The following MAPKAPK2 variants were observed in gnomAD, a reference collection of about 807,000 sequenced individuals.
The protein encoded by MAPKAPK2 is MAP kinase-activated protein kinase 2.
A neutral mutation model predicts 48.8 loss-of-function variants in MAPKAPK2; 9 were observed. The observed-to-expected ratio is 0.18, with a 90% CI of 0.11 to 0.32. MAPKAPK2 has a LOEUF of 0.32. Ranked by LOEUF, MAPKAPK2 falls within the 10% of genes least tolerant of loss-of-function variation. The pLI, the probability that MAPKAPK2 is intolerant of heterozygous loss-of-function variation, is 1.00. For synonymous variants in MAPKAPK2, 202 were observed against 190.6 expected (o/e 1.06, Z -0.49); for missense variants, 331 against 498.3 (o/e 0.66, Z 3.20).
intron 1 of MAPKAPK2, among the ~76,000 whole-genome samples, chr1:206,712,094 G>C (rs1248690819): frequency 1.3e-5 from 2 of 152,196 alleles, no homozygotes; most frequent in Non-Finnish European, 2.9e-5. Context: ...CTAAGCTTTA[G>C]AGCTGGTGTT....
At chr1:206,686,194 C>T (rs1672284312) in intron 1 of MAPKAPK2, among the ~76,000 whole-genome samples, 2 of 152,150 alleles carry the variant, frequency 1.3e-5, no homozygotes, top group Non-Finnish European at 2.9e-5. Context: ...GGGGAGAGGC[C>T]GGCGGTGTCC....
rs1673598249 is a variant in MAPKAPK2 at position 206,723,298 on chromosome 1, A to AT, written c.280-5411dup. 2.0e-5 allele frequency among the ~76,000 whole-genome samples: 3 copies of AT among 152,140 alleles called. No homozygotes were observed. The South Asian group carries it at 6.2e-4, about 31-fold the overall frequency. On this transcript the variant is annotated intron_variant, in intron 1 of 9. Transcript: ENST00000367103. Reference sequence around the variant, plus strand: ...GCCCCCCCCAGTGGGACTCCAACACATGGGGAGTGGGGAGCAGAATAATAA... The same window carrying AT: ...GCCCCCCCCAGTGGGACTCCAACACATTGGGGAGTGGGGAGCAGAATAATAA...
intron 1 of MAPKAPK2, among the ~76,000 whole-genome samples, chr1:206,709,398 G>GA (rs1435176837): frequency 3.9e-5 from 6 of 152,276 alleles, no homozygotes; most frequent in Admixed American, 1.3e-4. Flanking sequence ...TGCTCGATGT[G>GA]ATCTACATGT....
chr1:206,697,283 G>C (rs1355133129), intron 1 of MAPKAPK2, among the ~76,000 whole-genome samples: 6 of 152,188 alleles, frequency 3.9e-5, no homozygotes, highest in African/African-American at 1.4e-4. Flanking sequence ...TTTTCTATCT[G>C]CTGGTCCTGC....
intron 5 of MAPKAPK2, among the ~76,000 whole-genome samples, chr1:206,730,330 A>G (rs17015047): frequency 0.013 from 2,005 of 152,358 alleles, 22 homozygotes; most frequent in Non-Finnish European, 0.022. Context: ...CATGGTTTCC[A>G]TCAGATTCTC....
At chr1:206,699,023 T>C (rs1672715799) in intron 1 of MAPKAPK2, among the ~76,000 whole-genome samples, 1 of 152,216 alleles carries the variant, frequency 6.6e-6, no homozygotes, top group Admixed American at 6.5e-5. Flanking sequence ...TATCCAATAT[T>C]TATGGGATAC....
At chr1:206,703,007 C>T (rs574136689) in intron 1 of MAPKAPK2, among the ~76,000 whole-genome samples, 13 of 152,340 alleles carry the variant, frequency 8.5e-5, no homozygotes, top group Admixed American at 6.5e-4. Context: ...ATTACAGCCC[C>T]CTGCCAGGCC....
chr1:206,698,264 A>G (rs1483167416), intron 1 of MAPKAPK2, among the ~76,000 whole-genome samples: 1 of 152,248 alleles, frequency 6.6e-6, no homozygotes, highest in African/African-American at 2.4e-5. Flanking sequence ...ATGGCAGAAC[A>G]GTCAAGGGTC....
Position 206,698,240 on chromosome 1 carries a change from AG to A in MAPKAPK2, c.279+12734del, listed in dbSNP as rs551401748. ...CTGGCCATCAGGAGGCCCAGATGGC[AG>A]GATTAGCTTGGAATGGCAGAACAGT... On this transcript the variant is annotated intron_variant, in intron 1 of 9. Coordinates refer to ENST00000367103, the MANE Select transcript of MAPKAPK2 (RefSeq NM_032960.4). Among the ~76,000 whole-genome samples, 1,040 of 152,334 alleles carry A rather than the reference AG, an allele frequency of 6.8e-3. 12 individuals carry two copies. Among genetic ancestry groups the A allele is most frequent in the African/African-American group, 0.023 (975 of 41,576 alleles).
chr1:206,699,858 C>T (rs531672124), intron 1 of MAPKAPK2, among the ~76,000 whole-genome samples: 16 of 152,108 alleles, frequency 1.1e-4, no homozygotes, highest in South Asian at 2.1e-4. Context: ...AGCAATGGGT[C>T]GGGTCTGTTT....
intron 1 of MAPKAPK2, among the ~76,000 whole-genome samples, chr1:206,691,502 T>TATATATATATATATATATATAA: frequency 7.5e-6 from 1 of 132,736 alleles, no homozygotes; most frequent in African/African-American, 2.9e-5. Context: ...TATATATATA[T>TATATATATATATATATATATAA]ATACACACAT....
chr1:206,720,649 A>G lies in MAPKAPK2; in HGVS notation c.280-8061A>G, dbSNP rs577309893. On this transcript the variant is annotated intron_variant, in intron 1 of 9. Coordinates refer to ENST00000367103, the MANE Select transcript of MAPKAPK2 (RefSeq NM_032960.4). The stretch of plus-strand genomic sequence containing the variant: ...GCTGGGGTTATAGATGTGAGCCACT[A>G]TGGCCAGCCCCTATGCCTTTATTTT... Among the ~76,000 whole-genome samples, 24 of 152,290 alleles carry G rather than the reference A, an allele frequency of 1.6e-4. No homozygotes were observed. The East Asian group carries it at 3.9e-3, about 24-fold the overall frequency.
intron 1 of MAPKAPK2, among the ~76,000 whole-genome samples, chr1:206,721,732 C>A (rs1673523584): frequency 6.6e-6 from 1 of 152,136 alleles, no homozygotes; most frequent in African/African-American, 2.4e-5. Flanking sequence ...TGTTTCCTCC[C>A]AGGGTGGGGG....
chr1:206,687,439 A>G (rs1672322662), intron 1 of MAPKAPK2, among the ~76,000 whole-genome samples: 1 of 152,250 alleles, frequency 6.6e-6, no homozygotes, highest in Non-Finnish European at 1.5e-5. Flanking sequence ...GAGTGAAGTC[A>G]GTCTGTTTTG....
chr1:206,731,547 C>CT lies in MAPKAPK2; in HGVS notation c.893-90dup. On this transcript the variant is annotated intron_variant, in intron 7 of 9. Transcript: ENST00000367103. The surrounding 1 kb of genome is among the most constrained non-coding windows in gnomAD (Gnocchi z 5.9). ...GGCAGCCTGCCTCCATGCACCCCCT[C>CT]TTTGAACCTGGTTTCCCCATGAAAA... The CT allele has an allele frequency of 1.6e-6, 2 of 1,236,804 alleles. No individual in the cohort carries two copies. The highest frequency in any genetic ancestry group is 4.7e-5 in the East Asian group (2 of 43,002). The allele number at this position is 1,236,804 out of a possible 1,614,324, so 76.6% of individuals were successfully genotyped here. A position where few individuals can be genotyped will look rare whatever the true frequency, so the allele number is the denominator to read the frequency against.
chr1:206,685,330 A>AGCCGCC lies in MAPKAPK2; in HGVS notation c.111_116dup (p.Pro39_Pro40dup), dbSNP rs782493788. The AGCCGCC allele has an allele frequency of 2.8e-6, 3 of 1,087,182 alleles. No homozygotes were observed. Among genetic ancestry groups the AGCCGCC allele is most frequent in the Non-Finnish European group, 3.7e-6 (3 of 821,372 alleles). 67.3% of individuals were successfully genotyped at this position (1,087,182 alleles called of 1,614,324 possible). A position where few individuals can be genotyped will look rare whatever the true frequency, so the allele number is the denominator to read the frequency against. ...CCTGCCCTGCCGCACCCCCCGGCGC[A>AGCCGCC]GCCGCCGCCGCCGCCCCCGCAGCAG... is the stretch of plus-strand genomic sequence containing the variant. On this transcript the variant is annotated inframe_insertion, in exon 1 of 10. Coordinates refer to ENST00000367103, the MANE Select transcript of MAPKAPK2 (RefSeq NM_032960.4).
At chr1:206,700,511 T>A (rs187642385) in intron 1 of MAPKAPK2, among the ~76,000 whole-genome samples, 2 of 152,144 alleles carry the variant, frequency 1.3e-5, no homozygotes, top group African/African-American at 4.8e-5. Context: ...TCAAGGCAGA[T>A]GCTGGGAAAA....
At chr1:206,708,478 C>T (rs1553428951) in intron 1 of MAPKAPK2, among the ~76,000 whole-genome samples, 1 of 152,234 alleles carries the variant, frequency 6.6e-6, no homozygotes. Flanking sequence ...GTTTCAATCT[C>T]TCTATCCATT....
intron 1 of MAPKAPK2, among the ~76,000 whole-genome samples, chr1:206,710,509 G>T (rs887240526): frequency 6.6e-6 from 1 of 152,150 alleles, no homozygotes; most frequent in African/African-American, 2.4e-5. Context: ...CAAGCCAAAC[G>T]TAATGGAATT....
Sources: allele counts gnomAD v4.1 joint callset (sites outside exome capture counted in the v4.1 genomes callset), GRCh38; gene constraint gnomAD v4.1.1; non-coding constraint Gnocchi (gnomAD v3.1); transcripts MANE v1.5; gene names NCBI Gene and HGNC (gene_info 2026-07-23, HGNC 2026-07-21).